Variants in PITPNC1 observed in about 807,000 individuals in gnomAD.
PITPNC1 encodes the protein phosphatidylinositol transfer protein cytoplasmic 1.
PITPNC1 carries 18 observed loss-of-function variants against 44.7 expected under a neutral mutation model. That is an observed-to-expected ratio of 0.40 (90% CI 0.28 to 0.60). The LOEUF is 0.60. PITPNC1 is among the 20% of genes least tolerant of loss of function. PITPNC1 has a pLI of 0.39. For missense variants in PITPNC1, 290 were observed against 418.4 expected (o/e 0.69, Z 2.68); for synonymous variants, 141 against 149.6 (o/e 0.94, Z 0.42).
At chr17:67,655,439 G>A (rs369721780) in intron 6 of PITPNC1, among the ~76,000 whole-genome samples, 1 of 151,440 alleles carries the variant, frequency 6.6e-6, no homozygotes, top group South Asian at 2.1e-4. Flanking sequence ...AGGCGCCTGT[G>A]GTCCCAGCTA....
chr17:67,509,188 C>G (rs573175383), intron 1 of PITPNC1, among the ~76,000 whole-genome samples: 15 of 148,846 alleles, frequency 1.0e-4, no homozygotes, highest in South Asian at 8.6e-4. Flanking sequence ...GAGCCAAGAT[C>G]ACGCCACTGC....
intron 1 of PITPNC1, among the ~76,000 whole-genome samples, chr17:67,480,772 T>C (rs1024897992): frequency 6.6e-6 from 1 of 152,234 alleles, no homozygotes; most frequent in Non-Finnish European, 1.5e-5. Flanking sequence ...TCATTTTCAC[T>C]GTAAGTATGC....
chr17:67,579,739 G>A (rs960307489), intron 5 of PITPNC1, among the ~76,000 whole-genome samples: 4 of 147,778 alleles, frequency 2.7e-5, no homozygotes, highest in African/African-American at 5.0e-5. Context: ...AGGGGTTCAA[G>A]ACCAGCCTGG....
chr17:67,494,167 CTTTCTTTCTTTCTTTCTT>C lies in PITPNC1; in HGVS notation c.49-38615_49-38598del, dbSNP rs1318488436. Among the ~76,000 whole-genome samples the C allele has an allele frequency of 2.4e-4, 15 of 62,496 alleles. No homozygotes were observed. The South Asian group carries it at 3.2e-3, about 13-fold the overall frequency. The allele number at this position is 62,496 out of a possible 152,430, so 41.0% of individuals were successfully genotyped here. Reference sequence around the variant, plus strand: ...CACTAACAATATGTGTAACCTCTTTCTTTCTTTCTTTCTTTCTTTTTCTTTCTTTCTTTCTTTCTTTCT... The same window carrying C: ...CACTAACAATATGTGTAACCTCTTTCTTTCTTTCTTTCTTTCTTTCTTTCT... On this transcript the variant is annotated intron_variant, in intron 1 of 8. Coordinates refer to ENST00000581322, the MANE Select transcript of PITPNC1 (RefSeq NM_012417.4).
At chr17:67,579,937 T>TC (rs535346344) in intron 5 of PITPNC1, among the ~76,000 whole-genome samples, 80 of 117,704 alleles carry the variant, frequency 6.8e-4, no homozygotes, top group African/African-American at 2.4e-3. Flanking sequence ...AGACTCTGTC[T>TC]CAAAAAAAAA....
chr17:67,460,058 C>A (rs1251977271), intron 1 of PITPNC1, among the ~76,000 whole-genome samples: 1 of 152,168 alleles, frequency 6.6e-6, no homozygotes, highest in South Asian at 2.1e-4. Flanking sequence ...GTCAACAGGG[C>A]AGAAAAGGGG....
intron 4 of PITPNC1, among the ~76,000 whole-genome samples, chr17:67,567,849 T>C (rs1297572079): frequency 5.9e-5 from 9 of 152,194 alleles, no homozygotes; most frequent in African/African-American, 2.2e-4. Context: ...GGCAGGTGCC[T>C]GTAATCCCAG....
intron 7 of PITPNC1, among the ~76,000 whole-genome samples, chr17:67,674,763 C>T (rs1001086592): frequency 1.1e-4 from 17 of 151,942 alleles, no homozygotes; most frequent in Admixed American, 2.0e-4. Context: ...TCTGTGATCC[C>T]GGCAGTTTGG....
chr17:67,424,026 T>A (rs1238076030), intron 1 of PITPNC1, among the ~76,000 whole-genome samples: 3 of 143,278 alleles, frequency 2.1e-5, no homozygotes, highest in East Asian at 4.1e-4. Context: ...CATATGCCAC[T>A]TAAGAAATGA....
chr17:67,435,033 C>T (rs776842299), intron 1 of PITPNC1, among the ~76,000 whole-genome samples: 2 of 147,160 alleles, frequency 1.4e-5, no homozygotes, highest in Admixed American at 7.0e-5. Context: ...GACGTGAACC[C>T]GGGAGATGGA....
chr17:67,622,065 C>T (rs957011052), intron 5 of PITPNC1, among the ~76,000 whole-genome samples: 2 of 152,030 alleles, frequency 1.3e-5, no homozygotes, highest in Middle Eastern at 3.4e-3. Flanking sequence ...GTCAGGAGAT[C>T]GAGACCACGG....
intron 5 of PITPNC1, among the ~76,000 whole-genome samples, chr17:67,584,743 T>C (rs2041288437): frequency 6.6e-6 from 1 of 152,164 alleles, no homozygotes; most frequent in Admixed American, 6.5e-5. Context: ...CAATGAACCA[T>C]TTGCTGTTCA....
At chr17:67,513,472 A>G (rs997288213) in intron 1 of PITPNC1, among the ~76,000 whole-genome samples, 1 of 123,208 alleles carries the variant, frequency 8.1e-6, no homozygotes, top group East Asian at 2.3e-4. Flanking sequence ...CTATATTTTT[A>G]CTATATGTGT....
At chr17:67,669,162 A>C (rs1567769211) in intron 6 of PITPNC1, among the ~76,000 whole-genome samples, 2 of 152,168 alleles carry the variant, frequency 1.3e-5, no homozygotes, top group South Asian at 4.1e-4. Context: ...GCTAGAGTGC[A>C]ATGGCGCAAT....
intron 1 of PITPNC1, among the ~76,000 whole-genome samples, chr17:67,477,825 G>A (rs1032614625): frequency 1.3e-5 from 2 of 152,154 alleles, no homozygotes; most frequent in African/African-American, 4.8e-5. Flanking sequence ...AGCCATGAGA[G>A]AGTCCAGAAC....
At chr17:67,690,706 G>A (rs1187361403) in intron 8 of PITPNC1, among the ~76,000 whole-genome samples, 1 of 152,072 alleles carries the variant, frequency 6.6e-6, no homozygotes, top group African/African-American at 2.4e-5. Context: ...TAAGCCTTGG[G>A]CCTTGACTCA....
At chr17:67,413,336 T>A (rs1432744690) in intron 1 of PITPNC1, among the ~76,000 whole-genome samples, 2 of 151,648 alleles carry the variant, frequency 1.3e-5, no homozygotes, top group African/African-American at 4.9e-5. Flanking sequence ...AGCTCAGCTA[T>A]AGAATTACTG....
intron 1 of PITPNC1, among the ~76,000 whole-genome samples, chr17:67,506,212 A>G (rs967998233): frequency 2.4e-4 from 37 of 152,224 alleles, no homozygotes; most frequent in Middle Eastern, 3.2e-3. Context: ...AAAAATTTCA[A>G]TATATTTTAA....
At chr17:67,545,051 C>T (rs1218346606) in intron 2 of PITPNC1, among the ~76,000 whole-genome samples, 1 of 152,182 alleles carries the variant, frequency 6.6e-6, no homozygotes, top group Non-Finnish European at 1.5e-5. Context: ...GTGGTTCACG[C>T]CTGTAATCCC....
Sources: gnomAD v4.1 joint callset for allele counts (sites outside exome capture counted in the v4.1 genomes callset) on GRCh38, gnomAD v4.1.1 for gene constraint, MANE v1.5 for transcripts, NCBI Gene and HGNC (gene_info 2026-07-23, HGNC 2026-07-21) for gene names.